Variants in CHLSN observed in about 807,000 individuals in gnomAD.
CHLSN encodes the protein cholesin.
the CHLSN span, chr7:1,093,639 G>C: frequency 8.5e-6 from 4 of 471,272 alleles, no homozygotes; most frequent in Non-Finnish European, 1.8e-5. Context: ...TGGGTTAGTC[G>C]GGTGCCAGGA....
chr7:994,135 T>G, the CHLSN span, among the ~76,000 whole-genome samples: 1 of 152,212 alleles, frequency 6.6e-6, no homozygotes, highest in Non-Finnish European at 1.5e-5. Context: ...TCCCTTTGAT[T>G]ATTTAAAAAC....
chr7:1,000,671 C>G, the CHLSN span: 5,858 of 753,144 alleles, frequency 7.8e-3, 34 homozygotes, highest in Middle Eastern at 0.019. Context: ...GTACTACACA[C>G]CAAGGCCTCA....
the CHLSN span, among the ~76,000 whole-genome samples, chr7:1,105,125 A>G: frequency 3.3e-5 from 5 of 152,204 alleles, no homozygotes; most frequent in Non-Finnish European, 7.3e-5. Context: ...AGGTGTTACA[A>G]TCCTGGGTAA....
At chr7:1,112,030 G>A in the CHLSN span, among the ~76,000 whole-genome samples, 1 of 152,128 alleles carries the variant, frequency 6.6e-6, no homozygotes, top group Non-Finnish European at 1.5e-5. Flanking sequence ...TATAACTCAG[G>A]AAAAATAATA....
At chr7:1,010,392 C>T in the CHLSN span, among the ~76,000 whole-genome samples, 1 of 152,240 alleles carries the variant, frequency 6.6e-6, no homozygotes, top group Non-Finnish European at 1.5e-5. Flanking sequence ...CCAGAGGCCC[C>T]TTCCCCACCC....
the CHLSN span, among the ~76,000 whole-genome samples, chr7:1,103,909 G>A: frequency 2.6e-5 from 4 of 152,238 alleles, no homozygotes; most frequent in Non-Finnish European, 5.9e-5. Flanking sequence ...GGGAGAGCTG[G>A]AAGGATGGAA....
At chr7:1,026,078 G>A in the CHLSN span, 1 of 152,242 alleles carries the variant, frequency 6.6e-6, no homozygotes, top group African/African-American at 2.4e-5. Flanking sequence ...CAGAATGTTG[G>A]CAGGGCCTCT....
chr7:1,028,766 C>G, the CHLSN span: 1 of 850,324 alleles, frequency 1.2e-6, no homozygotes, highest in Non-Finnish European at 1.4e-6. Context: ...GTCCCCATCT[C>G]CCCTAGTCTG....
At chr7:995,003 G>C in the CHLSN span, among the ~76,000 whole-genome samples, 8 of 152,220 alleles carry the variant, frequency 5.3e-5, no homozygotes, top group Admixed American at 5.2e-4. Flanking sequence ...AGGGACAGAC[G>C]TGAGGGACGG....
chr7:1,136,283 T>TAA, the CHLSN span, among the ~76,000 whole-genome samples: 1 of 115,966 alleles, frequency 8.6e-6, no homozygotes, highest in African/African-American at 3.5e-5. Flanking sequence ...ATAAAATATA[T>TAA]ATAAATATAT....
At chr7:1,005,077 G>A in the CHLSN span, among the ~76,000 whole-genome samples, 1 of 152,220 alleles carries the variant, frequency 6.6e-6, no homozygotes, top group Non-Finnish European at 1.5e-5. Flanking sequence ...GGATCACAAG[G>A]TCAGGAGACT....
the CHLSN span, chr7:1,009,983 G>T: frequency 2.5e-6 from 4 of 1,583,672 alleles, no homozygotes; most frequent in Middle Eastern, 1.7e-4. Flanking sequence ...TTCGGCCCCC[G>T]AGCGCCTGGC....
chr7:1,138,068 C>T, the CHLSN span: 3 of 149,986 alleles, frequency 2.0e-5, no homozygotes, highest in Non-Finnish European at 3.0e-5. Context: ...CCGGTCGCGC[C>T]GCGCCGGGCC....
chr7:1,031,104 T>C, the CHLSN span, among the ~76,000 whole-genome samples: 2 of 152,160 alleles, frequency 1.3e-5, no homozygotes, highest in Non-Finnish European at 2.9e-5. Flanking sequence ...CGGCAGGTCC[T>C]GGTCAGGAGG....
chr7:1,077,913 G>A, the CHLSN span: 7 of 152,266 alleles, frequency 4.6e-5, no homozygotes, highest in African/African-American at 1.2e-4. Context: ...GCGCGGCCTC[G>A]GCGTCCTCTG....
At chr7:1,058,007 C>T in the CHLSN span, 1 of 770,120 alleles carries the variant, frequency 1.3e-6, no homozygotes, top group Non-Finnish European at 2.4e-6. Flanking sequence ...CCTCGCTGCT[C>T]TTCTACATCT....
At chr7:1,133,591 A>G in the CHLSN span, among the ~76,000 whole-genome samples, 2 of 146,690 alleles carry the variant, frequency 1.4e-5, no homozygotes, top group East Asian at 4.1e-4. Context: ...TCTACTAAAA[A>G]TACAAAAAAA....
At chr7:982,421 C>A in the CHLSN span, among the ~76,000 whole-genome samples, 1 of 152,250 alleles carries the variant, frequency 6.6e-6, no homozygotes, top group African/African-American at 2.4e-5. Flanking sequence ...CAAAGCAGGC[C>A]CGGCCGCTTC....
At chr7:994,373 C>A in the CHLSN span, among the ~76,000 whole-genome samples, 1 of 152,036 alleles carries the variant, frequency 6.6e-6, no homozygotes, top group South Asian at 2.1e-4. Context: ...GTTGGTCAGG[C>A]TGGTCTCGAA....
Sources: allele counts gnomAD v4.1 joint callset (sites outside exome capture counted in the v4.1 genomes callset), GRCh38; gene constraint gnomAD v4.1.1; transcripts MANE v1.5; gene names NCBI Gene and HGNC (gene_info 2026-07-23, HGNC 2026-07-21).